TRAIP: variants seen among roughly 807,000 people sequenced by gnomAD.
TRAIP encodes E3 ubiquitin-protein ligase TRAIP.
A neutral mutation model predicts 65.0 loss-of-function variants in TRAIP; 37 were observed. That is an observed-to-expected ratio of 0.57 (90% CI 0.44 to 0.75). TRAIP has a LOEUF of 0.75. Ranked by LOEUF, TRAIP falls within the 30% of genes least tolerant of loss-of-function variation. The pLI, the probability that TRAIP is intolerant of heterozygous loss-of-function variation, is 0.00. For missense variants in TRAIP, 481 were observed against 579.4 expected, an observed-to-expected ratio of 0.83 and a Z score of 1.74; for synonymous variants, 187 against 219.1, an observed-to-expected ratio of 0.85 and a Z score of 1.29.
chr3:49,834,899 G>A (rs1346258429), intron 10 of TRAIP, among the ~76,000 whole-genome samples: 2 of 152,198 alleles, frequency 1.3e-5, no homozygotes, highest in Non-Finnish European at 2.9e-5. Context: ...AAGAATGCTT[G>A]CAAATTTAAA....
intron 10 of TRAIP, among the ~76,000 whole-genome samples, chr3:49,836,108 G>A (rs1236502749): frequency 1.3e-5 from 2 of 151,788 alleles, no homozygotes; most frequent in Admixed American, 6.6e-5. Flanking sequence ...GATTATAGGC[G>A]TGTACCACCA....
chr3:49,832,853 G>A (rs1180291193), intron 10 of TRAIP, among the ~76,000 whole-genome samples: 1 of 151,888 alleles, frequency 6.6e-6, no homozygotes, highest in African/African-American at 2.4e-5. Flanking sequence ...TAGCTCCAAA[G>A]ATGCCTTCTC....
intron 1 of TRAIP, among the ~76,000 whole-genome samples, chr3:49,848,543 TC>T (rs2081904465): frequency 6.6e-6 from 1 of 151,940 alleles, no homozygotes. Flanking sequence ...TAAGCTGGAA[TC>T]CCAAAGACTA....
In TRAIP at chr3:49,856,371, G is replaced by A. The variant is rs1442288573; in HGVS notation, c.83C>T (p.Thr28Ile). 2.5e-6 allele frequency: 4 copies of A among 1,614,002 alleles called. No individual in the cohort carries two copies. In the East Asian group the frequency reaches 8.9e-5, roughly 36 times the overall value. The change falls in exon 1 of 15, where the codon ACC (threonine) becomes ATC (isoleucine). Residue 28 changes from threonine to isoleucine, a missense_variant. By Grantham distance (89) the Thr-to-Ile change is moderately conservative. Coordinates refer to ENST00000331456, the MANE Select transcript of TRAIP (RefSeq NM_005879.3). ...AGTCACTCACCACTGCAAGTGGAAG[G>A]TGTGGCCGCAGTGGATGGCGGCCAC... is the stretch of plus-strand genomic sequence containing the variant. Reference protein sequence around the residue: ...RDVAAIHCGHTFHLQCLIQWF... With the variant: ...RDVAAIHCGHIFHLQCLIQWF...
At chr3:49,841,107 G>T (rs2081835847) in intron 7 of TRAIP, 35 bp from the exon 8 acceptor site, 1 of 1,580,056 alleles carries the variant, frequency 6.3e-7, no homozygotes, top group Non-Finnish European at 8.7e-7. Context: ...TGCCAGAAAA[G>T]AACACCTGCA....
At chr3:49,829,390 G>C (rs1559444008) in intron 14 of TRAIP, 68 bp downstream of exon 14, 1 of 1,612,920 alleles carries the variant, frequency 6.2e-7, no homozygotes, top group East Asian at 2.2e-5. Flanking sequence ...TGGCAGGCTG[G>C]GGGTATAGGT....
chr3:49,856,163 C>T (rs1393171018), intron 1 of TRAIP, among the ~76,000 whole-genome samples, 193 bp downstream of exon 1: 2 of 152,236 alleles, frequency 1.3e-5, no homozygotes, highest in African/African-American at 2.4e-5. Context: ...CTTAGCTCAG[C>T]TATCACCTCT....
intron 10 of TRAIP, among the ~76,000 whole-genome samples, chr3:49,835,027 C>T (rs1470867752): frequency 6.6e-6 from 1 of 151,956 alleles, no homozygotes; most frequent in Admixed American, 6.6e-5. Context: ...CATATTAAGA[C>T]TCTATCTCTA....
rs145331450 is a variant in TRAIP at position 49,841,997 on chromosome 3, C to T, written c.504-58G>A. The T allele has an allele frequency of 7.7e-3, 10,552 of 1,368,344 alleles. 131 individuals are homozygous for T. Among genetic ancestry groups the T allele is most frequent in the Middle Eastern group, 0.011 (60 of 5,608 alleles). The allele number at this position is 1,368,344 out of a possible 1,614,324, so 84.8% of individuals were successfully genotyped here. ...ATCTGGAGGCTGATGGGTAGGTACC[C>T]AGTGCCGCTCTGCCTTCCTTTGCTG... On this transcript the variant is annotated intron_variant, in intron 6 of 14. Transcript: ENST00000331456.
Position 49,841,810 on chromosome 3 carries a change from G to C in TRAIP, c.617+16C>G. ...GCCTATCTCCTGTGTTTGCTGAGAG[G>C]GGCCACAGTACGCACTTCTTGAGAG... is the stretch of plus-strand genomic sequence containing the variant. On this transcript the variant is annotated intron_variant, in intron 7 of 14. Transcript: ENST00000331456. 6.2e-7 allele frequency: 1 copy of C among 1,604,406 alleles called. No homozygotes were observed.
chr3:49,829,468 A>C lies in TRAIP; in HGVS notation c.1277T>G (p.Phe426Cys), dbSNP rs2081712767. ...GFDGLGGRTK[F>C]IQPTDTVMIR... ...ACAGGAAAAGGATACAGGCTGGATG[A>C]ATTTTGTCCGGCCACCGAGCCCATC... The change falls in exon 14 of 15, where the codon TTC becomes TGC. Residue 426 changes from phenylalanine (F) to cysteine (C), a missense_variant. Physicochemically the swap from Phe to Cys is radical, Grantham distance 205. Transcript: ENST00000331456. 3 of 1,614,104 alleles carry C rather than the reference A, an allele frequency of 1.9e-6. No homozygotes were observed. Among genetic ancestry groups the C allele is most frequent in the Non-Finnish European group, 2.5e-6 (3 of 1,179,998 alleles).
At chr3:49,838,942 G>A (rs2081812141) in intron 10 of TRAIP, among the ~76,000 whole-genome samples, 1 of 151,340 alleles carries the variant, frequency 6.6e-6, no homozygotes, top group African/African-American at 2.4e-5. Context: ...TGTAATCCCA[G>A]CACATTGGGA....
In TRAIP at chr3:49,828,910, A is replaced by G. The variant is rs2081705991; in HGVS notation, c.*193T>C. ...CAGTGGGCTGGTCATGTCAGCTCCCAGTCGTAGGAGTGGGGCAGGGTGAGG... is the reference window on the plus strand; with the variant it reads ...CAGTGGGCTGGTCATGTCAGCTCCCGGTCGTAGGAGTGGGGCAGGGTGAGG... On this transcript the variant is annotated 3_prime_UTR_variant, in exon 15 of 15. Transcript: ENST00000331456. The G allele has an allele frequency of 2.9e-6, 2 of 686,958 alleles. No individual in the cohort carries two copies. Among genetic ancestry groups the G allele is most frequent in the Non-Finnish European group, 4.9e-6 (2 of 405,310 alleles). The allele number at this position is 686,958 out of a possible 1,614,324, so 42.6% of individuals were successfully genotyped here.
intron 10 of TRAIP, among the ~76,000 whole-genome samples, chr3:49,832,566 T>C (rs1416675656): frequency 6.7e-6 from 1 of 150,158 alleles, no homozygotes; most frequent in Non-Finnish European, 1.5e-5. Context: ...TGCAATTACA[T>C]GATTTGGCAC....
chr3:49,856,382 G>C lies in TRAIP; in HGVS notation c.72C>G (p.His24Gln), dbSNP rs753152808. ...ACTGCAAGTGGAAGGTGTGGCCGCA[G>C]TGGATGGCGGCCACGTCGCGGGAGT... ...FDHSRDVAAI[H>Q]CGHTFHLQCL... The change falls in exon 1 of 15, where the codon CAC becomes CAG. Residue 24 changes from histidine (H) to glutamine (Q), a missense_variant. By Grantham distance (24) the His-to-Gln change is conservative. Transcript: ENST00000331456. The C allele has an allele frequency of 8.1e-6, 13 of 1,613,952 alleles. No homozygotes were observed. Among genetic ancestry groups the C allele is most frequent in the Non-Finnish European group, 1.1e-5 (13 of 1,179,984 alleles).
chr3:49,854,483 T>C (rs960940192), intron 1 of TRAIP, among the ~76,000 whole-genome samples: 3 of 152,154 alleles, frequency 2.0e-5, no homozygotes, highest in African/African-American at 7.2e-5. Flanking sequence ...AAGTTAAGGA[T>C]ACATACCTTA....
At chr3:49,837,792 G>A (rs2081801847) in intron 10 of TRAIP, among the ~76,000 whole-genome samples, 2 of 152,016 alleles carry the variant, frequency 1.3e-5, no homozygotes, top group African/African-American at 4.8e-5. Flanking sequence ...ATATTGGTCA[G>A]GCTGGTCTCG....
At chr3:49,842,385 C>A in intron 6 of TRAIP, 68 bp downstream of exon 6, 1 of 1,502,016 alleles carries the variant, frequency 6.7e-7, no homozygotes, top group South Asian at 1.1e-5. Flanking sequence ...CTGCTGCAGT[C>A]CTAAGAACTG....
intron 1 of TRAIP, among the ~76,000 whole-genome samples, chr3:49,853,588 G>A (rs1458605060): frequency 6.6e-6 from 1 of 152,198 alleles, no homozygotes; most frequent in Non-Finnish European, 1.5e-5. Context: ...GCTCACGCCT[G>A]TAATCCCAGC....
Sources: allele counts gnomAD v4.1 joint callset (sites outside exome capture counted in the v4.1 genomes callset), GRCh38; gene constraint gnomAD v4.1.1; transcripts MANE v1.5; gene names NCBI Gene and HGNC (gene_info 2026-07-23, HGNC 2026-07-21).